The following ARMC7 variants were observed in gnomAD, a reference collection of about 807,000 sequenced individuals.
The protein encoded by ARMC7 is armadillo repeat containing 7.
A neutral mutation model predicts 14.8 loss-of-function variants in ARMC7; 9 were observed. The observed-to-expected ratio is 0.61, with a 90% confidence interval of 0.37 to 1.06. ARMC7 has a LOEUF of 1.06. Ranked by LOEUF, ARMC7 falls within the 50% of genes least tolerant of loss-of-function variation. ARMC7 has a pLI of 0.01. For missense variants in ARMC7, 262 were observed against 267.1 expected (o/e 0.98, Z 0.13); for synonymous variants, 125 against 123.4 (o/e 1.01, Z -0.09).
intron 2 of ARMC7, chr17:75,114,725 A>G (rs2073961020): frequency 2.5e-6 from 1 of 398,170 alleles, no homozygotes; most frequent in Non-Finnish European, 4.4e-6. Context: ...TTCTTCTGCC[A>G]CAGCAAGACC....
In ARMC7 at chr17:75,128,935, A is replaced by G; in HGVS notation, c.494A>G (p.Glu165Gly). ...RLRNLAQIFL[E>G]DFCSPRQVAE... ...CGGAACCTGGCACAGATCTTCCTGG[A>G]GGACTTCTGCTCCCCCCGCCAGGTG... Residue 165 changes from glutamate to glycine, a missense_variant, in exon 3 of 3, where the codon GAG becomes GGG. Coordinates refer to ENST00000245543, the MANE Select transcript of ARMC7 (RefSeq NM_024585.4). The G allele has an allele frequency of 6.2e-7, 1 of 1,607,660 alleles. No homozygotes were observed. Among genetic ancestry groups the G allele is most frequent in the Non-Finnish European group, 8.5e-7 (1 of 1,179,672 alleles).
intron 2 of ARMC7, among the ~76,000 whole-genome samples, chr17:75,111,499 T>C (rs2073922579): frequency 6.6e-6 from 1 of 151,006 alleles, no homozygotes; most frequent in Admixed American, 6.6e-5. Context: ...ATCTCAGCAC[T>C]TTGTGAGGCC....
intron 2 of ARMC7, among the ~76,000 whole-genome samples, chr17:75,124,561 C>T (rs909205190): frequency 6.6e-6 from 1 of 152,236 alleles, no homozygotes; most frequent in Non-Finnish European, 1.5e-5. Context: ...CCCGTCAGCT[C>T]GGGAGACATG....
In ARMC7 at chr17:75,128,797, T is replaced by C. The variant is rs1423032062; in HGVS notation, c.356T>C (p.Ile119Thr). The change falls in exon 3 of 3, where the codon ATC becomes ACC. Residue 119 changes from isoleucine to threonine, a missense_variant. Physicochemically the swap from Ile to Thr is moderately conservative, Grantham distance 89. Transcript: ENST00000245543. ...SPNEETVLSA[I>T]TTLMHLSPPG... ...AATGAGGAGACGGTGCTGTCTGCCATCACCACGCTCATGCACCTGAGCCCG... is the reference window on the plus strand; with the variant it reads ...AATGAGGAGACGGTGCTGTCTGCCACCACCACGCTCATGCACCTGAGCCCG... The C allele has an allele frequency of 3.1e-6, 5 of 1,613,138 alleles. No homozygotes were observed. The African/African-American group carries it at 4.0e-5, about 13-fold the overall frequency.
intron 2 of ARMC7, among the ~76,000 whole-genome samples, chr17:75,112,845 C>T (rs532005663): frequency 3.3e-5 from 5 of 151,566 alleles, no homozygotes; most frequent in South Asian, 2.1e-4. Context: ...TAACCCTAAA[C>T]AGACCCTCAT....
chr17:75,110,682 G>A (rs1186544279), intron 2 of ARMC7, 76 bp downstream of exon 2: 3 of 1,568,104 alleles, frequency 1.9e-6, no homozygotes, highest in Non-Finnish European at 1.7e-6. Flanking sequence ...AGTCCTTGGG[G>A]CCGGGCGTGG....
chr17:75,130,187 G>A lies in ARMC7; in HGVS notation c.*1149G>A, dbSNP rs574401704. The A allele has an allele frequency of 2.0e-5, 7 of 348,504 alleles. No homozygotes were observed. In the South Asian group the frequency reaches 2.2e-4, roughly 11 times the overall value. The allele number at this position is 348,504 out of a possible 1,614,324, so 21.6% of individuals were successfully genotyped here. A position where few individuals can be genotyped will look rare whatever the true frequency, so the allele number is the denominator to read the frequency against. ...GGGCTCATCAGCACCCGCTCAGGGA[G>A]CCTGTCCCTTTATGTTCCCAAATAA... On this transcript the variant is annotated 3_prime_UTR_variant, in exon 3 of 3. Coordinates refer to ENST00000245543, the MANE Select transcript of ARMC7 (RefSeq NM_024585.4).
At chr17:75,125,883 C>T (rs539299993) in intron 2 of ARMC7, among the ~76,000 whole-genome samples, 1 of 152,260 alleles carries the variant, frequency 6.6e-6, no homozygotes, top group East Asian at 1.9e-4. Flanking sequence ...ACCAGCCTGA[C>T]CCAGGTGCTG....
intron 2 of ARMC7, among the ~76,000 whole-genome samples, chr17:75,119,844 C>T (rs569812864): frequency 1.2e-4 from 19 of 152,120 alleles, no homozygotes; most frequent in Admixed American, 1.0e-3. Flanking sequence ...CTGCCCTTGC[C>T]GAGGGCCTGC....
chr17:75,124,228 G>A (rs1421075993), intron 2 of ARMC7, among the ~76,000 whole-genome samples: 2 of 152,144 alleles, frequency 1.3e-5, no homozygotes, highest in South Asian at 2.1e-4. Context: ...GACACTACCC[G>A]CTAGGCAGAG....
chr17:75,113,691 A>G (rs2073950085), intron 2 of ARMC7, among the ~76,000 whole-genome samples: 1 of 152,232 alleles, frequency 6.6e-6, no homozygotes, highest in Non-Finnish European at 1.5e-5. Context: ...AAATTTTTCA[A>G]AGACCATCCA....
At position 75,110,463 on chromosome 17, in the gene ARMC7, A is replaced by T; in HGVS notation, c.92A>T (p.Asp31Val). The change falls in exon 2 of 3, where the codon GAC (aspartate) becomes GTC (valine). Residue 31 changes from aspartate (D) to valine (V), a missense_variant and splice_region_variant. Asp to Val is a radical substitution (Grantham distance 152). Transcript: ENST00000245543. ...CTTCAGTGCCGCTTTCCCGTTGCAG[A>T]CGCCAAGGAGCAAGTCCTCGCCAAC... ...VTEFQETQSQ[D>V]AKEQVLANLA... 6.2e-7 allele frequency: 1 copy of T among 1,614,214 alleles called. No homozygotes were observed. Among genetic ancestry groups the T allele is most frequent in the Non-Finnish European group, 8.5e-7 (1 of 1,180,030 alleles).
intron 2 of ARMC7, chr17:75,114,975 G>A (rs975962537): frequency 2.6e-6 from 1 of 378,818 alleles, no homozygotes; most frequent in African/African-American, 2.1e-5. Flanking sequence ...GCTCTGTGCT[G>A]CGCTTTGGAG....
intron 2 of ARMC7, among the ~76,000 whole-genome samples, chr17:75,115,399 G>C (rs1045905609): frequency 1.3e-5 from 2 of 152,118 alleles, no homozygotes; most frequent in African/African-American, 4.8e-5. Context: ...AATTAGTTGG[G>C]TGTGGTGGCG....
chr17:75,124,954 C>T (rs2145133164), intron 2 of ARMC7, among the ~76,000 whole-genome samples: 1 of 152,352 alleles, frequency 6.6e-6, no homozygotes. Context: ...AGGCAGCCTA[C>T]AGAATGCCAC....
intron 2 of ARMC7, among the ~76,000 whole-genome samples, chr17:75,111,789 T>C (rs1235033386): frequency 1.3e-5 from 2 of 151,330 alleles, no homozygotes; most frequent in African/African-American, 2.5e-5. Context: ...GAAGCAGAGA[T>C]GGCTTGCAGT....
Position 75,110,154 on chromosome 17 carries a change from A to G in ARMC7, c.-135A>G. On this transcript the variant is annotated 5_prime_UTR_variant, in exon 1 of 3. Coordinates refer to ENST00000245543, the MANE Select transcript of ARMC7 (RefSeq NM_024585.4). ...GCAAATTACTGCAGAATCTGAACCC[A>G]GGAAAGAAACCCATTTGCCGACCCC... 3.8e-6 allele frequency: 3 copies of G among 788,462 alleles called. No individual in the cohort carries two copies. The highest frequency in any genetic ancestry group is 5.9e-6 in the Non-Finnish European group (3 of 508,046). 48.8% of individuals were successfully genotyped at this position (788,462 alleles called of 1,614,324 possible).
intron 2 of ARMC7, among the ~76,000 whole-genome samples, chr17:75,126,573 GTT>G (rs2074052649): frequency 2.7e-5 from 4 of 149,922 alleles, no homozygotes; most frequent in Admixed American, 2.6e-4. Context: ...ACAATACATT[GTT>G]TTTTTGTTTT....
At chr17:75,125,310 G>A (rs989936721) in intron 2 of ARMC7, among the ~76,000 whole-genome samples, 1 of 152,204 alleles carries the variant, frequency 6.6e-6, no homozygotes, top group African/African-American at 2.4e-5. Context: ...TGACATGGTA[G>A]AGCACCTAGT....
Sources: gnomAD v4.1 joint callset for allele counts (sites outside exome capture counted in the v4.1 genomes callset) on GRCh38, gnomAD v4.1.1 for gene constraint, MANE v1.5 for transcripts, NCBI Gene and HGNC (gene_info 2026-07-23, HGNC 2026-07-21) for gene names.